The following PAMR1 variants were observed in gnomAD, a reference collection of about 807,000 sequenced individuals.
PAMR1 encodes inactive serine protease PAMR1.
Under a neutral mutation model 81.8 loss-of-function variants are expected in PAMR1, and 88 were observed. That is an observed-to-expected ratio of 1.08 (90% CI 0.91 to 1.28). The LOEUF (loss-of-function observed/expected upper bound fraction) is 1.28, where lower values mean the gene tolerates loss of function less well. Among genes scored for constraint, PAMR1 ranks in the 50% most tolerant of loss-of-function variants. The pLI, the probability that PAMR1 is intolerant of heterozygous loss-of-function variation, is 0.00. For missense variants in PAMR1, 935 were observed against 919.7 expected, an observed-to-expected ratio of 1.02 and a Z score of -0.21; for synonymous variants, 336 against 345.3, an observed-to-expected ratio of 0.97 and a Z score of 0.30.
chr11:35,432,726 A>G lies in PAMR1; in HGVS notation c.1793T>C (p.Val598Ala), dbSNP rs1166326385. ...STSFQESHIT[V>A]AGWNVLADVR... ...GTCTGCCAGGACATTCCAGCCAGCC[A>G]CAGTGATGTGGGACTCCTGGAAGGA... is the stretch of plus-strand genomic sequence containing the variant. Residue 598 changes from valine to alanine, a missense_variant, in exon 11 of 11, where the codon GTG becomes GCG. Val to Ala is a moderately conservative substitution (Grantham distance 64, BLOSUM62 0). Transcript: ENST00000619888. The G allele has an allele frequency of 6.8e-6, 11 of 1,614,012 alleles. No individual in the cohort carries two copies. Among genetic ancestry groups the G allele is most frequent in the Admixed American group, 3.3e-5 (2 of 60,006 alleles).
chr11:35,519,695 C>T (rs1427805832), intron 1 of PAMR1, among the ~76,000 whole-genome samples: 1 of 152,194 alleles, frequency 6.6e-6, no homozygotes, highest in African/African-American at 2.4e-5. Flanking sequence ...TTCCTGCATC[C>T]ACTCCACCTC....
upstream of PAMR1, chr11:35,525,870 G>C (rs479011): frequency 0.55 from 284,819 of 513,588 alleles, 79,936 homozygotes; most frequent in South Asian, 0.6. Flanking sequence ...AGCTGCGGGG[G>C]AGGGAGGCCA....
upstream of PAMR1, among the ~76,000 whole-genome samples, chr11:35,527,712 C>T (rs376413892): frequency 1.3e-4 from 19 of 151,990 alleles, no homozygotes; most frequent in South Asian, 2.1e-4. Context: ...CTCCAGCTGA[C>T]GGCACCTGAG....
intron 6 of PAMR1, among the ~76,000 whole-genome samples, chr11:35,453,735 G>C (rs1440673627): frequency 6.6e-6 from 1 of 152,148 alleles, no homozygotes; most frequent in African/African-American, 2.4e-5. Context: ...AGTTTTTAAT[G>C]AGTGTTTCAT....
At chr11:35,462,960 G>T (rs1450330882) in intron 6 of PAMR1, among the ~76,000 whole-genome samples, 1 of 152,146 alleles carries the variant, frequency 6.6e-6, no homozygotes, top group Non-Finnish European at 1.5e-5. Flanking sequence ...GTGAAAAAAG[G>T]CAGTAAAAAT....
intron 6 of PAMR1, among the ~76,000 whole-genome samples, chr11:35,466,497 G>A (rs1427275266): frequency 2.6e-5 from 4 of 152,100 alleles, no homozygotes; most frequent in African/African-American, 9.7e-5. Context: ...GGAGGCCGAG[G>A]CGGGTGGATC....
chr11:35,500,750 G>A (rs1850819571), intron 1 of PAMR1, among the ~76,000 whole-genome samples: 1 of 152,170 alleles, frequency 6.6e-6, no homozygotes, highest in Non-Finnish European at 1.5e-5. Context: ...AATCTAAGTG[G>A]CATAGCCTAC....
intron 4 of PAMR1, among the ~76,000 whole-genome samples, chr11:35,471,919 G>T (rs1448175371): frequency 1.3e-5 from 2 of 152,198 alleles, no homozygotes; most frequent in African/African-American, 4.8e-5. Context: ...TGCCTAAAAT[G>T]TTGGGAGTAG....
chr11:35,460,126 T>C (rs1457557450), intron 6 of PAMR1, among the ~76,000 whole-genome samples: 1 of 152,210 alleles, frequency 6.6e-6, no homozygotes, highest in Non-Finnish European at 1.5e-5. Context: ...GGACATGTAG[T>C]TAATGCCCTG....
intron 6 of PAMR1, among the ~76,000 whole-genome samples, chr11:35,445,233 C>T (rs1321868323): frequency 2.0e-5 from 3 of 152,126 alleles, no homozygotes; most frequent in Non-Finnish European, 4.4e-5. Flanking sequence ...GCTTAAGAAG[C>T]TTTTGGTCTG....
intron 6 of PAMR1, among the ~76,000 whole-genome samples, chr11:35,443,250 G>C (rs1265729674): frequency 6.6e-6 from 1 of 151,454 alleles, no homozygotes; most frequent in East Asian, 1.9e-4. Flanking sequence ...GGATGTTCAG[G>C]TTTCTTACAT....
At chr11:35,471,703 A>C (rs563218237) in intron 4 of PAMR1, among the ~76,000 whole-genome samples, 27 of 152,274 alleles carry the variant, frequency 1.8e-4, no homozygotes, top group Middle Eastern at 3.4e-3. Context: ...ACTGAGATAC[A>C]CCAGATTGGA....
intron 4 of PAMR1, among the ~76,000 whole-genome samples, 170 bp from the exon 5 acceptor site, chr11:35,470,988 G>A (rs532400601): frequency 6.6e-6 from 1 of 152,192 alleles, no homozygotes; most frequent in African/African-American, 2.4e-5. Flanking sequence ...CTTAGCAGAG[G>A]AGTATGTATT....
chr11:35,450,129 CAAAAAAAAAAA>C (rs60887441), intron 6 of PAMR1, among the ~76,000 whole-genome samples: 7 of 43,048 alleles, frequency 1.6e-4, no homozygotes, highest in East Asian at 2.2e-3. Context: ...TGCCTCCAGG[CAAAAAAAAAAA>C]AAAAAAAAAA....
intron 3 of PAMR1, among the ~76,000 whole-genome samples, chr11:35,486,441 T>C (rs1269433684): frequency 1.3e-5 from 2 of 152,250 alleles, no homozygotes; most frequent in African/African-American, 2.4e-5. Flanking sequence ...CTTATCATTG[T>C]ACATCCAGCA....
intron 3 of PAMR1, among the ~76,000 whole-genome samples, chr11:35,482,686 T>C (rs1250959732): frequency 6.6e-6 from 1 of 152,210 alleles, no homozygotes; most frequent in Non-Finnish European, 1.5e-5. Flanking sequence ...TGTTTTTCCA[T>C]GTGTTTGTGT....
At chr11:35,511,402 G>C (rs993122449) in intron 1 of PAMR1, among the ~76,000 whole-genome samples, 2 of 152,206 alleles carry the variant, frequency 1.3e-5, no homozygotes, top group African/African-American at 2.4e-5. Context: ...AAAAGACTCT[G>C]AGGATTCTGT....
At chr11:35,461,783 G>A (rs934938477) in intron 6 of PAMR1, among the ~76,000 whole-genome samples, 1 of 152,126 alleles carries the variant, frequency 6.6e-6, no homozygotes, top group African/African-American at 2.4e-5. Flanking sequence ...ATATTAGGGA[G>A]GGTAAGTAGA....
chr11:35,512,462 T>C (rs1252715757), intron 1 of PAMR1, among the ~76,000 whole-genome samples: 1 of 152,174 alleles, frequency 6.6e-6, no homozygotes, highest in African/African-American at 2.4e-5. Context: ...CCTTGCTCTT[T>C]CCAACACAAT....
Sources: allele counts gnomAD v4.1 joint callset (sites outside exome capture counted in the v4.1 genomes callset), GRCh38; gene constraint gnomAD v4.1.1; transcripts MANE v1.5; gene names NCBI Gene and HGNC (gene_info 2026-07-23, HGNC 2026-07-21).